POSTN: variants seen among roughly 807,000 people sequenced by gnomAD.
POSTN encodes the protein osteoblast specific factor 2 (fasciclin I-like).
POSTN carries 71 observed loss-of-function variants against 104.5 expected under a neutral mutation model. That is an observed-to-expected ratio of 0.68 (90% CI 0.56 to 0.83). The LOEUF is 0.83. POSTN is among the 40% of genes least tolerant of loss of function. POSTN has a pLI of 0.00. For missense variants in POSTN, 949 were observed against 1,006.8 expected (o/e 0.94, Z 0.78); for synonymous variants, 355 against 340.7 (o/e 1.04, Z -0.46).
chr13:37,583,861 A>G, intron 9 of POSTN, 108 bp downstream of exon 9: 2 of 1,356,790 alleles, frequency 1.5e-6, no homozygotes, highest in Non-Finnish European at 2.0e-6. Flanking sequence ...CAATGCAGAA[A>G]CTAATCAACA....
chr13:37,574,827 C>T (rs1202162526), intron 16 of POSTN, among the ~76,000 whole-genome samples, 175 bp from the exon 17 acceptor site: 3 of 151,440 alleles, frequency 2.0e-5, no homozygotes, highest in Non-Finnish European at 4.4e-5. Flanking sequence ...AATATCTTCT[C>T]ATGTCCAGGT....
chr13:37,584,357 T>C (rs1950685178), intron 8 of POSTN, among the ~76,000 whole-genome samples: 1 of 152,206 alleles, frequency 6.6e-6, no homozygotes, highest in Non-Finnish European at 1.5e-5. Context: ...AATTCTCTAT[T>C]GTTCATCTCT....
intron 3 of POSTN, 84 bp downstream of exon 3, chr13:37,592,016 A>G: frequency 1.2e-6 from 1 of 858,266 alleles, no homozygotes; most frequent in South Asian, 1.4e-5. Flanking sequence ...GAATACACAC[A>G]TACACAATTG....
intron 21 of POSTN, among the ~76,000 whole-genome samples, chr13:37,567,253 A>AAAAAAAAAAAAAAAG (rs1950137918): frequency 1.4e-5 from 2 of 144,840 alleles, no homozygotes; most frequent in East Asian, 2.0e-4. Flanking sequence ...AAAAAAAAAA[A>AAAAAAAAAAAAAAAG]TGTACTACAT....
At chr13:37,572,658 A>G (rs1281447390) in intron 17 of POSTN, among the ~76,000 whole-genome samples, 2 of 151,624 alleles carry the variant, frequency 1.3e-5, no homozygotes, top group Non-Finnish European at 3.0e-5. Context: ...CTCAGAAAGT[A>G]CCCAGCAGAA....
At chr13:37,597,044 A>G (rs1951105094) in intron 2 of POSTN, 140 bp downstream of exon 2, 1 of 528,874 alleles carries the variant, frequency 1.9e-6, no homozygotes, top group Non-Finnish European at 3.2e-6. Flanking sequence ...TCACGTATGT[A>G]TTCCTTTCTT....
At chr13:37,570,716 G>T in intron 18 of POSTN, 47 bp from the exon 19 acceptor site, 2 of 1,142,346 alleles carry the variant, frequency 1.8e-6, no homozygotes, top group African/African-American at 1.5e-5. Flanking sequence ...CTCATATTGT[G>T]ACTATACATC....
intron 21 of POSTN, among the ~76,000 whole-genome samples, chr13:37,567,700 A>C (rs1415298960): frequency 6.6e-6 from 1 of 152,176 alleles, no homozygotes; most frequent in Non-Finnish European, 1.5e-5. Context: ...CTGGGAACTA[A>C]AGGAATAAAC....
At chr13:37,564,195 T>A (rs1318376352) in intron 22 of POSTN, among the ~76,000 whole-genome samples, 24,386 of 65,748 alleles carry the variant, frequency 0.37, 3,735 homozygotes, top group Middle Eastern at 0.46. Flanking sequence ...TATATATATA[T>A]ATATATATAT....
rs752215813 is a variant in POSTN at position 37,583,981 on chromosome 13, T to C, written c.1231A>G (p.Asn411Asp). 6.2e-7 allele frequency: 1 copy of C among 1,613,540 alleles called. No individual in the cohort carries two copies. Among genetic ancestry groups the C allele is most frequent in the South Asian group, 1.1e-5 (1 of 90,972 alleles). Reference sequence around the variant, plus strand: ...GTCCAGCACATACCAGAAAATGCATTATTCACAGGTGCCAGCAAAGTGTAT... The same window carrying C: ...GTCCAGCACATACCAGAAAATGCATCATTCACAGGTGCCAGCAAAGTGTAT... ...GEYTLLAPVN[N>D]AFSDDTLSMD... Residue 411 changes from asparagine to aspartate, a missense_variant, in exon 9 of 23, where the codon AAT becomes GAT. Physicochemically the swap from Asn to Asp is conservative, Grantham distance 23. Transcript: ENST00000379747.
chr13:37,590,346 A>C lies in POSTN; in HGVS notation c.441+26T>G. 2.0e-6 allele frequency: 3 copies of C among 1,486,228 alleles called. 1 individual carries two copies. In the South Asian group the frequency reaches 4.0e-5, roughly 20 times the overall value. 92.1% of individuals were successfully genotyped at this position (1,486,228 alleles called of 1,614,324 possible). Reference sequence around the variant, plus strand: ...AAATAACAATAACAGCAAAAAATAAATATATTGATAAAAATAATGAATTAC... The same window carrying C: ...AAATAACAATAACAGCAAAAAATAACTATATTGATAAAAATAATGAATTAC... On this transcript the variant is annotated intron_variant, in intron 4 of 22. Transcript: ENST00000379747.
chr13:37,589,491 C>T (rs1439001645), intron 4 of POSTN, among the ~76,000 whole-genome samples: 2 of 152,026 alleles, frequency 1.3e-5, no homozygotes. Flanking sequence ...AATGCTATCC[C>T]TCCCCCCTCC....
chr13:37,575,410 TACTC>T (rs533047567), intron 16 of POSTN, among the ~76,000 whole-genome samples: 84 of 152,160 alleles, frequency 5.5e-4, no homozygotes, highest in Middle Eastern at 3.4e-3. Flanking sequence ...ACCCCAGCAT[TACTC>T]AATATATCCA....
chr13:37,598,764 CT>C lies in POSTN; in HGVS notation c.-39del, dbSNP rs1951164359. 1 of 1,607,306 alleles carries C rather than the reference CT, an allele frequency of 6.2e-7. No homozygotes were observed. Among genetic ancestry groups the C allele is most frequent in the Non-Finnish European group, 8.5e-7 (1 of 1,175,552 alleles). On this transcript the variant is annotated 5_prime_UTR_variant, in exon 1 of 23. Coordinates refer to ENST00000379747, the MANE Select transcript of POSTN (RefSeq NM_006475.3). ...CGTTGCAGTTAGTCCCCGAAGAGAA[CT>C]GGCAGTGGGCTTTGGAGAGCTCAGA...
chr13:37,578,502 T>G (rs1311056829), intron 15 of POSTN, among the ~76,000 whole-genome samples: 2 of 118,324 alleles, frequency 1.7e-5, no homozygotes, highest in Non-Finnish European at 3.3e-5. Context: ...TAGAAATAAA[T>G]CAAGTAACTT....
At chr13:37,569,521 G>C (rs1358930974) in intron 20 of POSTN, 138 bp from the exon 21 acceptor site, 3 of 829,212 alleles carry the variant, frequency 3.6e-6, no homozygotes, top group Non-Finnish European at 6.1e-6. Flanking sequence ...TTTTAGTGCT[G>C]TTTTCTGACA....
At chr13:37,570,743 T>A in intron 18 of POSTN, 74 bp from the exon 19 acceptor site, 1 of 911,232 alleles carries the variant, frequency 1.1e-6, no homozygotes, top group Non-Finnish European at 1.8e-6. Context: ...CTAGACATTG[T>A]AATGATTAAC....
chr13:37,575,896 C>T (rs949007757), intron 16 of POSTN, among the ~76,000 whole-genome samples: 3 of 152,094 alleles, frequency 2.0e-5, no homozygotes, highest in African/African-American at 7.2e-5. Flanking sequence ...ACAGAAGAAC[C>T]TTTCCATGAA....
rs894662025 is a variant in POSTN at position 37,579,867 on chromosome 13, G to A, written c.1654C>T (p.Leu552=). The A allele has an allele frequency of 1.1e-5, 17 of 1,608,338 alleles. No homozygotes were observed. The highest frequency in any genetic ancestry group is 2.7e-5 in the African/African-American group (2 of 74,566). Residue 552 remains leucine (L), a synonymous_variant, in exon 12 of 23, where the codon CTG becomes TTG. Transcript: ENST00000379747. ...GGAATTCACTTCCACTTACGTATCA[G>A]AATTTCTTTTTCTTCACTAGTCATT... ...KGMTSEEKEI[L]IRDKNALQNI...
Sources: allele counts gnomAD v4.1 joint callset (sites outside exome capture counted in the v4.1 genomes callset), GRCh38; gene constraint gnomAD v4.1.1; transcripts MANE v1.5; gene names NCBI Gene and HGNC (gene_info 2026-07-23, HGNC 2026-07-21).